Variants in BMAL2 observed in about 807,000 individuals in gnomAD.
BMAL2 encodes the protein basic helix-loop-helix ARNT like 2.
chr12:27,351,064 CT>C, the BMAL2 span, among the ~76,000 whole-genome samples: 2 of 141,174 alleles, frequency 1.4e-5, no homozygotes, highest in Non-Finnish European at 3.0e-5. Context: ...ACATGGTTCA[CT>C]TCAGCCTCGT....
the BMAL2 span, chr12:27,415,999 T>G: frequency 2.4e-6 from 3 of 1,255,994 alleles, no homozygotes; most frequent in Non-Finnish European, 3.4e-6. Context: ...ACAATAAAAT[T>G]TGCCCCTTGT....
At chr12:27,360,803 C>CAAAA in the BMAL2 span, among the ~76,000 whole-genome samples, 7,433 of 46,624 alleles carry the variant, frequency 0.16, 1,513 homozygotes, top group East Asian at 0.33. Flanking sequence ...GTGATTTGTC[C>CAAAA]AAAAAAAAAA....
chr12:27,376,516 C>G, the BMAL2 span: 1 of 709,722 alleles, frequency 1.4e-6, no homozygotes, highest in Non-Finnish European at 2.3e-6. Flanking sequence ...TTGTTATGCT[C>G]TGAGAAGCAA....
At chr12:27,359,125 C>G in the BMAL2 span, among the ~76,000 whole-genome samples, 1 of 151,994 alleles carries the variant, frequency 6.6e-6, no homozygotes, top group Admixed American at 6.5e-5. Context: ...GCCTTTTTTC[C>G]AAAGCAGACA....
At chr12:27,420,473 G>A in the BMAL2 span, 1 of 1,613,798 alleles carries the variant, frequency 6.2e-7, no homozygotes, top group Non-Finnish European at 8.5e-7. Context: ...GAATTACTTA[G>A]AAGCAGAGGG....
the BMAL2 span, among the ~76,000 whole-genome samples, chr12:27,400,131 A>C: frequency 6.6e-6 from 1 of 152,186 alleles, no homozygotes; most frequent in Admixed American, 6.5e-5. Context: ...AGTTTTGAAT[A>C]TAAGTTACGA....
chr12:27,370,745 A>G, the BMAL2 span, among the ~76,000 whole-genome samples: 6 of 152,080 alleles, frequency 3.9e-5, no homozygotes, highest in African/African-American at 9.7e-5. Context: ...AGCTGGGACT[A>G]CAGGCACCCG....
At chr12:27,347,108 C>A in the BMAL2 span, among the ~76,000 whole-genome samples, 1 of 152,068 alleles carries the variant, frequency 6.6e-6, no homozygotes, top group Non-Finnish European at 1.5e-5. Flanking sequence ...CCAAATAAAC[C>A]CTTTTTATTG....
At chr12:27,354,332 G>A in the BMAL2 span, among the ~76,000 whole-genome samples, 14 of 152,170 alleles carry the variant, frequency 9.2e-5, no homozygotes, top group African/African-American at 2.9e-4. Flanking sequence ...AAACCAAATA[G>A]TGTATGTTCT....
the BMAL2 span, among the ~76,000 whole-genome samples, chr12:27,412,636 C>T: frequency 6.6e-6 from 1 of 151,880 alleles, no homozygotes; most frequent in Non-Finnish European, 1.5e-5. Flanking sequence ...AACCAATGTA[C>T]ACATGTGTGT....
the BMAL2 span, among the ~76,000 whole-genome samples, chr12:27,353,314 C>G: frequency 6.6e-6 from 1 of 152,138 alleles, no homozygotes; most frequent in Non-Finnish European, 1.5e-5. Context: ...CTGACAGTTA[C>G]AAACAATGGG....
the BMAL2 span, among the ~76,000 whole-genome samples, chr12:27,359,074 C>T: frequency 2.0e-5 from 3 of 152,146 alleles, no homozygotes; most frequent in Non-Finnish European, 4.4e-5. Flanking sequence ...GCTTGTCATT[C>T]TAGAAGGCTT....
chr12:27,370,262 T>G, the BMAL2 span: 4 of 1,521,496 alleles, frequency 2.6e-6, no homozygotes, highest in Non-Finnish European at 2.7e-6. Flanking sequence ...ACATACTCTC[T>G]CCCCTACTTG....
At chr12:27,371,196 T>C in the BMAL2 span, among the ~76,000 whole-genome samples, 1 of 151,994 alleles carries the variant, frequency 6.6e-6, no homozygotes, top group Non-Finnish European at 1.5e-5. Flanking sequence ...TAGAAATGAG[T>C]CTACAGCCAG....
At chr12:27,419,505 A>G in the BMAL2 span, among the ~76,000 whole-genome samples, 1 of 152,234 alleles carries the variant, frequency 6.6e-6, no homozygotes, top group African/African-American at 2.4e-5. Flanking sequence ...ATTCATGAGC[A>G]CAAAGGCCTC....
chr12:27,340,863 G>A, the BMAL2 span, among the ~76,000 whole-genome samples: 43 of 151,830 alleles, frequency 2.8e-4, no homozygotes, highest in African/African-American at 9.0e-4. Context: ...TATTCTTTTT[G>A]TGGTGGTTAA....
chr12:27,384,035 C>G, the BMAL2 span, among the ~76,000 whole-genome samples: 1 of 152,168 alleles, frequency 6.6e-6, no homozygotes, highest in Non-Finnish European at 1.5e-5. Context: ...CCACCTTTCC[C>G]CTGCAAAAGC....
At chr12:27,374,611 A>T in the BMAL2 span, among the ~76,000 whole-genome samples, 1 of 152,214 alleles carries the variant, frequency 6.6e-6, no homozygotes, top group Non-Finnish European at 1.5e-5. Context: ...GGCTAAAAAG[A>T]GAAAAGGGAA....
chr12:27,370,241 G>A, the BMAL2 span: 4 of 1,583,342 alleles, frequency 2.5e-6, no homozygotes, highest in African/African-American at 5.4e-5. Context: ...GTAAGTCCTG[G>A]ACTGTCTTTG....
Sources: gnomAD v4.1 joint callset for allele counts (sites outside exome capture counted in the v4.1 genomes callset) on GRCh38, gnomAD v4.1.1 for gene constraint, MANE v1.5 for transcripts, NCBI Gene and HGNC (gene_info 2026-07-23, HGNC 2026-07-21) for gene names.